PDLIM1: variants seen among roughly 807,000 people sequenced by gnomAD.
PDLIM1 encodes PDZ and LIM domain protein 1.
A neutral mutation model predicts 35.2 loss-of-function variants in PDLIM1; 25 were observed. The ratio of observed to expected loss-of-function variants is 0.71; its 90% CI spans 0.52 to 0.99. PDLIM1 has a LOEUF of 0.99. Ranked by LOEUF, PDLIM1 falls within the 50% of genes least tolerant of loss-of-function variation. The pLI, the probability that PDLIM1 is intolerant of heterozygous loss-of-function variation, is 0.00. For synonymous variants in PDLIM1, 152 were observed against 154.0 expected, an observed-to-expected ratio of 0.99 and a Z score of 0.10; for missense variants, 363 against 415.3, an observed-to-expected ratio of 0.87 and a Z score of 1.09.
intron 2 of PDLIM1, among the ~76,000 whole-genome samples, chr10:95,269,722 CTTTATTTAT>C (rs2035446414): frequency 2.0e-5 from 3 of 151,882 alleles, no homozygotes; most frequent in South Asian, 4.2e-4. Flanking sequence ...TTATACTTAT[CTTTATTTAT>C]TTTATTTATT....
intron 5 of PDLIM1, among the ~76,000 whole-genome samples, chr10:95,244,668 G>A (rs1268958603): frequency 6.6e-6 from 1 of 152,108 alleles, no homozygotes; most frequent in African/African-American, 2.4e-5. Context: ...GGGAGGTCCA[G>A]GTGGGCAGAT....
Position 95,237,779 on chromosome 10 carries a change from AC to A in PDLIM1, c.*145del. 3.1e-6 allele frequency: 2 copies of A among 650,924 alleles called. No individual in the cohort carries two copies. The allele number at this position is 650,924 out of a possible 1,614,324, so 40.3% of individuals were successfully genotyped here. A position where few individuals can be genotyped will look rare whatever the true frequency, so the allele number is the denominator to read the frequency against. On this transcript the variant is annotated 3_prime_UTR_variant, in exon 7 of 7. Coordinates refer to ENST00000329399, the MANE Select transcript of PDLIM1 (RefSeq NM_020992.4). ...TCGCACAGCTGGTGTGAGTCAATTA[AC>A]CAAGGCAGGGAGGGGACTCAATGTT...
In PDLIM1 at chr10:95,290,331, G is replaced by C. The variant is rs2035641911; in HGVS notation, c.96+489C>G. 6.6e-6 allele frequency among the ~76,000 whole-genome samples: 1 copy of C among 152,134 alleles called. No individual in the cohort carries two copies. The highest frequency in any genetic ancestry group is 1.5e-5 in the Non-Finnish European group (1 of 68,010). ...GCCTCGGCCGTGGGTCAAGTCCAAA[G>C]AGCGTGTTTCGGTTGTTTTTTTAGG... On this transcript the variant is annotated intron_variant, in intron 1 of 6. Transcript: ENST00000329399. The surrounding 1 kb of genome is among the most constrained non-coding windows in gnomAD (Gnocchi z 4.7).
At chr10:95,272,737 T>C (rs2035476533) in intron 1 of PDLIM1, among the ~76,000 whole-genome samples, 1 of 151,946 alleles carries the variant, frequency 6.6e-6, no homozygotes, top group Middle Eastern at 3.2e-3. Context: ...TCCTAAAGTA[T>C]GGTAGTATAG....
intron 3 of PDLIM1, among the ~76,000 whole-genome samples, chr10:95,265,592 T>TC (rs1367424660): frequency 7.1e-5 from 2 of 28,198 alleles, no homozygotes; most frequent in Non-Finnish European, 1.4e-4. Context: ...TGGAACTCTG[T>TC]CAAAAAAAAA....
intron 5 of PDLIM1, among the ~76,000 whole-genome samples, chr10:95,245,963 A>C (rs2035215524): frequency 6.6e-6 from 1 of 152,198 alleles, no homozygotes; most frequent in Non-Finnish European, 1.5e-5. Context: ...CTCTCAGCCA[A>C]CATGCCAATC....
chr10:95,253,502 A>G (rs574087636), intron 4 of PDLIM1, among the ~76,000 whole-genome samples: 1 of 152,282 alleles, frequency 6.6e-6, no homozygotes, highest in East Asian at 1.9e-4. Context: ...TAAAAATACA[A>G]AAATTAGCTG....
chr10:95,289,942 T>C (rs980687060), intron 1 of PDLIM1, among the ~76,000 whole-genome samples: 7 of 152,236 alleles, frequency 4.6e-5, no homozygotes, highest in African/African-American at 1.7e-4. Context: ...CCAGATTAAA[T>C]GGCCAAAGCC....
intron 2 of PDLIM1, among the ~76,000 whole-genome samples, chr10:95,269,519 C>T (rs1256281522): frequency 1.4e-5 from 2 of 147,742 alleles, no homozygotes; most frequent in African/African-American, 2.5e-5. Flanking sequence ...TTGCAGTGAG[C>T]TGAGATAGCA....
Position 95,242,214 on chromosome 10 carries a change from T to C in PDLIM1, c.686-3529A>G, listed in dbSNP as rs139156418. ...TAAGGAGAAACCACCTTGGTGCTTCTGTTCTCCCCGAGCCTAGGGCAACTT... is the reference window on the plus strand; with the variant it reads ...TAAGGAGAAACCACCTTGGTGCTTCCGTTCTCCCCGAGCCTAGGGCAACTT... On this transcript the variant is annotated intron_variant, in intron 5 of 6. Transcript: ENST00000329399. 3.2e-3 allele frequency among the ~76,000 whole-genome samples: 480 copies of C among 152,316 alleles called. 1 individual carries two copies. The highest frequency in any genetic ancestry group is 0.011 in the African/African-American group (450 of 41,578).
At chr10:95,248,392 G>A (rs976267711) in intron 4 of PDLIM1, among the ~76,000 whole-genome samples, 1 of 152,172 alleles carries the variant, frequency 6.6e-6, no homozygotes, top group Non-Finnish European at 1.5e-5. Context: ...AGGACTACAG[G>A]TGTGCCACCA....
chr10:95,281,010 A>G (rs2035556542), intron 1 of PDLIM1, among the ~76,000 whole-genome samples: 1 of 152,218 alleles, frequency 6.6e-6, no homozygotes, highest in Admixed American at 6.5e-5. Context: ...AAGAACCCAT[A>G]CCTTTTTAAA....
At chr10:95,289,707 AAAG>A (rs1205700249) in intron 1 of PDLIM1, among the ~76,000 whole-genome samples, 3 of 152,232 alleles carry the variant, frequency 2.0e-5, no homozygotes, top group Non-Finnish European at 4.4e-5. Context: ...CCCAAGTGAA[AAAG>A]AAGGATGTTT....
chr10:95,289,777 T>TA (rs1682464796), intron 1 of PDLIM1, among the ~76,000 whole-genome samples: 1 of 152,218 alleles, frequency 6.6e-6, no homozygotes, highest in South Asian at 2.1e-4. Context: ...AGCCCAAGAA[T>TA]GGAATGTGCC....
chr10:95,241,331 C>T (rs1234807799), intron 5 of PDLIM1, among the ~76,000 whole-genome samples: 1 of 152,260 alleles, frequency 6.6e-6, no homozygotes, highest in Non-Finnish European at 1.5e-5. Context: ...CCCACCAGAG[C>T]TTCTCCAGTA....
chr10:95,255,890 C>T (rs2035306933), intron 4 of PDLIM1, among the ~76,000 whole-genome samples: 1 of 131,324 alleles, frequency 7.6e-6, no homozygotes, highest in African/African-American at 2.8e-5. Context: ...CCCTAAAGAT[C>T]CCCCCCCACT....
At chr10:95,241,739 C>T (rs2035180095) in intron 5 of PDLIM1, among the ~76,000 whole-genome samples, 2 of 152,186 alleles carry the variant, frequency 1.3e-5, no homozygotes, top group Admixed American at 1.3e-4. Flanking sequence ...GCCCTGTTCC[C>T]ACAGAGGTAT....
intron 3 of PDLIM1, among the ~76,000 whole-genome samples, chr10:95,265,539 G>C (rs1427462629): frequency 7.0e-6 from 1 of 143,738 alleles, no homozygotes; most frequent in Non-Finnish European, 1.5e-5. Flanking sequence ...AGGTTGCGGT[G>C]AGCCGAGATT....
intron 1 of PDLIM1, among the ~76,000 whole-genome samples, chr10:95,288,496 G>A (rs151328692): frequency 1.3e-5 from 2 of 151,938 alleles, no homozygotes; most frequent in African/African-American, 4.8e-5. Flanking sequence ...ACTATTTACG[G>A]AGCACTCTCA....
Sources: gnomAD v4.1 joint callset for allele counts (sites outside exome capture counted in the v4.1 genomes callset) on GRCh38, gnomAD v4.1.1 for gene constraint, Gnocchi (gnomAD v3.1) non-coding constraint, MANE v1.5 for transcripts, NCBI Gene and HGNC (gene_info 2026-07-23, HGNC 2026-07-21) for gene names.